The following CCSER2 variants were observed in gnomAD, a reference collection of about 807,000 sequenced individuals.
CCSER2 encodes the protein coiled-coil serine rich protein 2, also known as serine-rich coiled-coil domain-containing protein 2.
CCSER2 carries 46 observed loss-of-function variants against 92.3 expected under a neutral mutation model. The observed-to-expected ratio is 0.50, with a 90% CI of 0.39 to 0.64. The LOEUF is 0.64. Ranked by LOEUF, CCSER2 falls within the 30% of genes least tolerant of loss-of-function variation. The probability of loss-of-function intolerance (pLI) is 0.00; values close to 1 mark genes in which losing one functional copy is unlikely to be tolerated. For synonymous variants in CCSER2, 433 were observed against 431.4 expected, an observed-to-expected ratio of 1.00 and a Z score of -0.04; for missense variants, 1,244 against 1,238.9, an observed-to-expected ratio of 1.00 and a Z score of -0.06.
intron 9 of CCSER2, among the ~76,000 whole-genome samples, chr10:84,493,130 A>G (rs1004222666): frequency 6.6e-5 from 10 of 152,200 alleles, no homozygotes; most frequent in African/African-American, 2.2e-4. Context: ...TATAAATTCA[A>G]CTTCTTTAAT....
intron 8 of CCSER2, among the ~76,000 whole-genome samples, chr10:84,474,401 C>G (rs1847003640): frequency 6.6e-6 from 1 of 152,080 alleles, no homozygotes; most frequent in African/African-American, 2.4e-5. Flanking sequence ...TGGCTCATAC[C>G]TATAATCCCA....
intron 6 of CCSER2, among the ~76,000 whole-genome samples, chr10:84,449,147 G>A (rs1266384274): frequency 1.3e-5 from 2 of 152,216 alleles, no homozygotes; most frequent in Admixed American, 6.5e-5. Flanking sequence ...GGCCGAGGTA[G>A]GTGGATCACC....
intron 3 of CCSER2, among the ~76,000 whole-genome samples, chr10:84,377,993 A>G (rs1276550612): frequency 1.3e-5 from 2 of 152,192 alleles, no homozygotes; most frequent in African/African-American, 2.4e-5. Context: ...ACTTGTATAT[A>G]CATTCTATAA....
chr10:84,438,087 A>G (rs946586224), intron 5 of CCSER2, among the ~76,000 whole-genome samples: 8 of 152,248 alleles, frequency 5.3e-5, no homozygotes, highest in Admixed American at 2.6e-4. Flanking sequence ...CCAAGGATGT[A>G]TACAAACTGA....
intron 6 of CCSER2, among the ~76,000 whole-genome samples, chr10:84,445,375 G>A (rs1442999330): frequency 3.9e-5 from 6 of 152,120 alleles, no homozygotes; most frequent in African/African-American, 1.4e-4. Flanking sequence ...GGATGACCTC[G>A]ATCTCCTGAC....
chr10:84,436,222 A>C (rs1375870302), intron 5 of CCSER2, among the ~76,000 whole-genome samples: 1 of 143,352 alleles, frequency 7.0e-6, no homozygotes, highest in African/African-American at 2.6e-5. Context: ...GCTACTCGGG[A>C]GGCTGAGGCA....
chr10:84,461,449 C>T (rs1344857909), intron 6 of CCSER2, among the ~76,000 whole-genome samples: 4 of 152,142 alleles, frequency 2.6e-5, no homozygotes, highest in Middle Eastern at 3.4e-3. Context: ...TATTACTGTC[C>T]GCATATGTTC....
At chr10:84,457,280 T>TATATATAATATGTTATATATA (rs1415390989) in intron 6 of CCSER2, among the ~76,000 whole-genome samples, 1 of 18,284 alleles carries the variant, frequency 5.5e-5, no homozygotes. Context: ...TATAATATAT[T>TATATATAATATGTTATATATA]ATATATTATA....
At chr10:84,451,174 A>C (rs1845260248) in intron 6 of CCSER2, among the ~76,000 whole-genome samples, 1 of 152,146 alleles carries the variant, frequency 6.6e-6, no homozygotes, top group African/African-American at 2.4e-5. Flanking sequence ...ATGAAAGAGA[A>C]TAGGAAACAT....
chr10:84,345,168 G>A (rs533895710), intron 1 of CCSER2, among the ~76,000 whole-genome samples: 3 of 152,308 alleles, frequency 2.0e-5, no homozygotes, highest in African/African-American at 7.2e-5. Context: ...AAGTAGGCCT[G>A]TGCTAGAATA....
intron 8 of CCSER2, among the ~76,000 whole-genome samples, chr10:84,475,241 TGG>T (rs1847069172): frequency 6.6e-6 from 1 of 152,214 alleles, no homozygotes; most frequent in African/African-American, 2.4e-5. Context: ...TCTAGCTCCT[TGG>T]GGTAAGAGAT....
intron 9 of CCSER2, among the ~76,000 whole-genome samples, chr10:84,510,959 CAAAT>C (rs1333453594): frequency 6.6e-6 from 1 of 151,846 alleles, no homozygotes; most frequent in Non-Finnish European, 1.5e-5. Context: ...ATATAGTTAC[CAAAT>C]AAATAATAAA....
chr10:84,354,012 A>T (rs933217910), intron 1 of CCSER2, among the ~76,000 whole-genome samples: 45 of 152,024 alleles, frequency 3.0e-4, no homozygotes, highest in African/African-American at 1.1e-3. Context: ...AGCCTGGACA[A>T]TGTGGCGGAA....
chr10:84,482,469 C>G (rs1168903764), intron 9 of CCSER2, among the ~76,000 whole-genome samples: 1 of 152,142 alleles, frequency 6.6e-6, no homozygotes, highest in African/African-American at 2.4e-5. Flanking sequence ...GATCCATGTA[C>G]AAGCATATTC....
At chr10:84,406,254 G>A (rs1415325413) in intron 3 of CCSER2, among the ~76,000 whole-genome samples, 1 of 152,162 alleles carries the variant, frequency 6.6e-6, no homozygotes, top group African/African-American at 2.4e-5. Context: ...TTTGACAGAA[G>A]GTATGGATGG....
chr10:84,454,900 C>T (rs577766130), intron 6 of CCSER2: 1 of 152,608 alleles, frequency 6.6e-6, no homozygotes, highest in East Asian at 1.9e-4. Flanking sequence ...AATTGTAGCT[C>T]CCATAATCCC....
At chr10:84,361,133 G>A (rs1003416696) in intron 1 of CCSER2, among the ~76,000 whole-genome samples, 2 of 152,204 alleles carry the variant, frequency 1.3e-5, no homozygotes, top group African/African-American at 4.8e-5. Context: ...TTAAGAGGGG[G>A]CTTTCTTATA....
At chr10:84,483,983 ATATATATATATATAAT>A (rs1357368008) in intron 9 of CCSER2, among the ~76,000 whole-genome samples, 1 of 54,808 alleles carries the variant, frequency 1.8e-5, no homozygotes, top group South Asian at 6.7e-4. Flanking sequence ...ATATATATAT[ATATATATATATATAAT>A]TTTTTTTTTT....
rs560394587 is a variant in CCSER2 at position 84,419,555 on chromosome 10, T to G, written c.1705+1694T>G. Among the ~76,000 whole-genome samples, 14 of 152,270 alleles carry G rather than the reference T, an allele frequency of 9.2e-5. No homozygotes were observed. The East Asian group carries it at 2.5e-3, about 27-fold the overall frequency. Reference sequence around the variant, plus strand: ...TGCACATGATAGAGGACATTGCATGTATAATTCTGTAAGGAGAGAATGAAA... The same window carrying G: ...TGCACATGATAGAGGACATTGCATGGATAATTCTGTAAGGAGAGAATGAAA... On this transcript the variant is annotated intron_variant, in intron 4 of 9. Coordinates refer to ENST00000372088, the MANE Select transcript of CCSER2 (RefSeq NM_001284240.2).
Sources: allele counts gnomAD v4.1 joint callset (sites outside exome capture counted in the v4.1 genomes callset), GRCh38; gene constraint gnomAD v4.1.1; transcripts MANE v1.5; gene names NCBI Gene and HGNC (gene_info 2026-07-23, HGNC 2026-07-21).